The following KANK1 variants were observed in gnomAD, a reference collection of about 807,000 sequenced individuals.
The protein encoded by KANK1 is KN motif and ankyrin repeat domains 1.
Under a neutral mutation model 106.2 loss-of-function variants are expected in KANK1, and 109 were observed. That is an observed-to-expected ratio of 1.03 (90% CI 0.88 to 1.20). The LOEUF (loss-of-function observed/expected upper bound fraction) is 1.20. KANK1 is among the 50% of genes most tolerant of loss of function. KANK1 has a pLI of 0.00. For synonymous variants in KANK1, 873 were observed against 652.2 expected, an observed-to-expected ratio of 1.34 and a Z score of -5.16; for missense variants, 2,399 against 1,710.7, an observed-to-expected ratio of 1.40 and a Z score of -7.10.
At chr9:584,209 G>A (rs893685894) in intron 1 of KANK1, among the ~76,000 whole-genome samples, 1 of 152,074 alleles carries the variant, frequency 6.6e-6, no homozygotes, top group African/African-American at 2.4e-5. Context: ...ACTATTAAAT[G>A]GTACAGAATT....
At chr9:503,775 T>C (rs979792227), upstream of KANK1, among the ~76,000 whole-genome samples, 3 of 152,228 alleles carry the variant, frequency 2.0e-5, no homozygotes, top group Admixed American at 2.0e-4. Context: ...TGAAAAAGAC[T>C]GAAGTCACAG....
At chr9:554,522 AG>A (rs1363694593) in intron 1 of KANK1, among the ~76,000 whole-genome samples, 1 of 152,220 alleles carries the variant, frequency 6.6e-6, no homozygotes, top group African/African-American at 2.4e-5. Flanking sequence ...AGGCTGTTGG[AG>A]GCTAAAGCAA....
rs957490810 is a variant in KANK1, at chr9:710,641, A to G, written c.38-163A>G. ...AAAAAAAAAAAAAACAAAAAAAAAC[A>G]AAAAAAACTTGCTTACCCAGCTGTT... On this transcript the variant is annotated intron_variant, in intron 2 of 11. Coordinates refer to ENST00000382297, the MANE Select transcript of KANK1 (RefSeq NM_015158.5). 2.6e-5 allele frequency among the ~76,000 whole-genome samples: 3 copies of G among 116,750 alleles called. 1 individual carries two copies. Among genetic ancestry groups the G allele is most frequent in the African/African-American group, 6.5e-5 (1 of 15,500 alleles). The allele number at this position is 116,750 out of a possible 152,430, so 76.6% of individuals were successfully genotyped here.
intron 1 of KANK1, among the ~76,000 whole-genome samples, chr9:625,044 G>A (rs557215093): frequency 1.3e-5 from 2 of 150,592 alleles, no homozygotes; most frequent in Admixed American, 1.3e-4. Flanking sequence ...ATTGTGCCTT[G>A]TTCGATGCCC....
At chr9:652,595 G>T (rs933232985) in intron 1 of KANK1, among the ~76,000 whole-genome samples, 11 of 152,146 alleles carry the variant, frequency 7.2e-5, no homozygotes, top group Non-Finnish European at 1.0e-4. Context: ...GGTCAAATGA[G>T]ACAAAGATGA....
chr9:683,533 A>T (rs1353364617), intron 2 of KANK1, among the ~76,000 whole-genome samples: 1 of 152,236 alleles, frequency 6.6e-6, no homozygotes, highest in Non-Finnish European at 1.5e-5. Flanking sequence ...CATGGAGAAC[A>T]TTTTTCCTTT....
intron 7 of KANK1, among the ~76,000 whole-genome samples, chr9:737,858 A>G (rs1239878309): frequency 6.6e-6 from 1 of 152,250 alleles, no homozygotes; most frequent in African/African-American, 2.4e-5. Flanking sequence ...GTATGATTAC[A>G]TCATATTAAT....
chr9:613,991 A>G (rs539160945), intron 1 of KANK1, among the ~76,000 whole-genome samples: 4 of 152,294 alleles, frequency 2.6e-5, no homozygotes, highest in African/African-American at 9.6e-5. Context: ...GAGGCCGGGA[A>G]GAAGGCGCTG....
chr9:605,756 A>T (rs749757171), intron 1 of KANK1, among the ~76,000 whole-genome samples: 2 of 151,620 alleles, frequency 1.3e-5, no homozygotes, highest in Non-Finnish European at 2.9e-5. Flanking sequence ...AGAGATGGAG[A>T]CCACCCAGTG....
intron 2 of KANK1, chr9:685,571 A>C (rs138587480): frequency 6.6e-6 from 1 of 152,232 alleles, no homozygotes; most frequent in East Asian, 1.9e-4. Flanking sequence ...TTCCCTCCCA[A>C]CTGGATCAGA....
At chr9:702,989 T>G in intron 2 of KANK1, among the ~76,000 whole-genome samples, 1 of 152,010 alleles carries the variant, frequency 6.6e-6, no homozygotes, top group Non-Finnish European at 1.5e-5. Flanking sequence ...GGGGCGGGGT[T>G]GTTGTTTTTT....
chr9:653,523 T>C (rs968142611), intron 1 of KANK1, among the ~76,000 whole-genome samples: 1 of 152,232 alleles, frequency 6.6e-6, no homozygotes, highest in Non-Finnish European at 1.5e-5. Context: ...TCCTTGGGTC[T>C]GGCCTCTTTT....
intron 1 of KANK1, among the ~76,000 whole-genome samples, chr9:505,727 G>C (rs149937929): frequency 6.6e-6 from 1 of 152,238 alleles, no homozygotes; most frequent in Non-Finnish European, 1.5e-5. Flanking sequence ...TCTGCGGAGG[G>C]TCAGCCCATC....
In KANK1 at chr9:610,523, G is replaced by T. The variant is rs529383816; in HGVS notation, c.-83-66367G>T. Among the ~76,000 whole-genome samples, 7 of 152,310 alleles carry T rather than the reference G, an allele frequency of 4.6e-5. No homozygotes were observed. The South Asian group carries it at 1.0e-3, about 23-fold the overall frequency. On this transcript the variant is annotated intron_variant, in intron 1 of 11. Transcript: ENST00000382297. ...TGTGGATAAGCCATAGAGGTGTCCAGTGTTGGTTTAATATAGCAGCTGGTT... is the reference window on the plus strand; with the variant it reads ...TGTGGATAAGCCATAGAGGTGTCCATTGTTGGTTTAATATAGCAGCTGGTT...
intron 1 of KANK1, among the ~76,000 whole-genome samples, chr9:531,295 G>A (rs2060043707): frequency 6.6e-6 from 1 of 152,094 alleles, no homozygotes; most frequent in Admixed American, 6.5e-5. Flanking sequence ...CCCAGATGTG[G>A]TGGTGCGTGC....
At chr9:519,658 C>A (rs977417021) in intron 1 of KANK1, among the ~76,000 whole-genome samples, 9 of 151,694 alleles carry the variant, frequency 5.9e-5, no homozygotes, top group African/African-American at 2.2e-4. Flanking sequence ...CCTTATTTTG[C>A]CAGGAGACTG....
At chr9:732,270 C>T (rs1291388527) in intron 5 of KANK1, 108 bp from the exon 6 acceptor site, 1 of 1,341,120 alleles carries the variant, frequency 7.5e-7, no homozygotes, top group Non-Finnish European at 1.0e-6. Context: ...GATCTAAAAC[C>T]ACTAGTGAAA....
intron 1 of KANK1, among the ~76,000 whole-genome samples, chr9:588,008 T>C (rs752142588): frequency 2.0e-5 from 3 of 151,824 alleles, no homozygotes; most frequent in Non-Finnish European, 4.4e-5. Context: ...AGAGGTTGCA[T>C]TGTGCTGAGA....
chr9:739,782 C>T (rs1233315620), intron 8 of KANK1, among the ~76,000 whole-genome samples: 1 of 151,826 alleles, frequency 6.6e-6, no homozygotes, highest in Non-Finnish European at 1.5e-5. Context: ...GTTACTGCTC[C>T]CCCTTCTAGG....
Sources: allele counts gnomAD v4.1 joint callset (sites outside exome capture counted in the v4.1 genomes callset), GRCh38; gene constraint gnomAD v4.1.1; transcripts MANE v1.5; gene names NCBI Gene and HGNC (gene_info 2026-07-23, HGNC 2026-07-21).